The following GRIPAP1 variants were observed in gnomAD, a reference collection of about 807,000 sequenced individuals.
GRIPAP1 encodes the protein GRIP1 associated protein 1.
GRIPAP1 carries 14 observed loss-of-function variants against 84.1 expected under a neutral mutation model. The ratio of observed to expected loss-of-function variants is 0.17; its 90% CI spans 0.11 to 0.26. The LOEUF is 0.26. Ranked by LOEUF, GRIPAP1 falls within the 10% of genes least tolerant of loss-of-function variation. The pLI is 1.00. For synonymous variants in GRIPAP1, 261 were observed against 256.8 expected (o/e 1.02, Z -0.15); for missense variants, 518 against 674.2 (o/e 0.77, Z 2.57).
chrX:48,987,235 G>A (rs1461597697), intron 13 of GRIPAP1, among the ~76,000 whole-genome samples: 33 of 94,473 alleles, frequency 3.5e-4, no homozygotes, highest in Non-Finnish European at 5.7e-4. Context: ...TGCAACCTCC[G>A]CCTCCTGGGT....
chrX:48,992,074 C>T lies in GRIPAP1; in HGVS notation c.458-964G>A, dbSNP rs782522425. On this transcript the variant is annotated intron_variant, in intron 6 of 25. Coordinates refer to ENST00000376423, the MANE Select transcript of GRIPAP1 (RefSeq NM_020137.5). ...AGGCTGGAGTACAGTGGTGTGATCT[C>T]GGCTCACTGCAACCTCTGCCTCCCA... Among the ~76,000 whole-genome samples the T allele has an allele frequency of 1.2e-4, 13 of 109,588 alleles. No individual in the cohort carries two copies. The East Asian group carries it at 2.0e-3, about 17-fold the overall frequency.
chrX:48,990,676 C>G lies in GRIPAP1; in HGVS notation c.690+9G>C. On this transcript the variant is annotated intron_variant, in intron 8 of 25. Transcript: ENST00000376423. ...GGGAGCAGAATGGGAAAGAGCCAAG[C>G]AGCCGCACCTTAGCAAGTTCCTCCT... is the stretch of plus-strand genomic sequence containing the variant. The G allele has an allele frequency of 8.4e-7, 1 of 1,193,714 alleles. No homozygotes were observed. Among genetic ancestry groups the G allele is most frequent in the Non-Finnish European group, 1.1e-6 (1 of 882,863 alleles).
At chrX:49,000,037 C>T (rs1428828183) in intron 1 of GRIPAP1, among the ~76,000 whole-genome samples, 1 of 110,276 alleles carries the variant, frequency 9.1e-6, no homozygotes, top group Non-Finnish European at 1.9e-5. Context: ...CCCCCCACCT[C>T]CAAGGCTCTC....
chrX:48,993,965 T>G (rs1255435383), intron 5 of GRIPAP1, among the ~76,000 whole-genome samples: 2 of 110,674 alleles, frequency 1.8e-5, no homozygotes, highest in East Asian at 5.7e-4. Flanking sequence ...CAGAGATAGC[T>G]CCCTCTCATC....
In GRIPAP1 at chrX:48,989,963, G is replaced by A; in HGVS notation, c.722+9C>T. The A allele has an allele frequency of 4.1e-6, 5 of 1,206,140 alleles. No homozygotes were observed. The highest frequency in any genetic ancestry group is 5.6e-6 in the Non-Finnish European group (5 of 890,888). ...CGGCCCCCAGTACCCTTGGGAAAAA[G>A]AAATTTACCTTTCTTGTTTCTTTTT... is the stretch of plus-strand genomic sequence containing the variant. On this transcript the variant is annotated intron_variant, in intron 9 of 25. Transcript: ENST00000376423.
chrX:48,987,771 C>G lies in GRIPAP1; in HGVS notation c.1041+14G>C. 1 of 1,074,176 alleles carries G rather than the reference C, an allele frequency of 9.3e-7. No individual in the cohort carries two copies. The highest frequency in any genetic ancestry group is 1.3e-6 in the Non-Finnish European group (1 of 773,605). The allele number at this position is 1,074,176 out of a possible 1,213,427, so 88.5% of individuals were successfully genotyped here. On this transcript the variant is annotated intron_variant, in intron 13 of 25. Coordinates refer to ENST00000376423, the MANE Select transcript of GRIPAP1 (RefSeq NM_020137.5). ...CTGGAGAGGGATCAGCAAGGGCCCC[C>G]AGGTGTTCTTTACCTGCTCCAGGGC...
At chrX:48,989,916 T>C in intron 9 of GRIPAP1, 34 bp from the exon 10 acceptor site, 1 of 1,202,916 alleles carries the variant, frequency 8.3e-7, no homozygotes, top group Non-Finnish European at 1.1e-6. Context: ...GATGGGTCAG[T>C]TCCGTAAGTT....
At chrX:48,974,616 C>A (rs782302406) in intron 25 of GRIPAP1, among the ~76,000 whole-genome samples, 1 of 111,858 alleles carries the variant, frequency 8.9e-6, no homozygotes, top group East Asian at 2.8e-4. Context: ...GGGTCTGACC[C>A]CTTTCTAACT....
intron 17 of GRIPAP1, 58 bp from the exon 18 acceptor site, chrX:48,981,930 G>A: frequency 1.2e-6 from 1 of 834,475 alleles, no homozygotes; most frequent in East Asian, 3.4e-5. Flanking sequence ...TGCCCAGTTA[G>A]GGGTATGAGG....
rs200273142 is a variant in GRIPAP1 at position 48,994,219 on chromosome X, C to CTT, written c.307-643_307-642dup. Among the ~76,000 whole-genome samples, 45 of 95,156 alleles carry CTT rather than the reference C, an allele frequency of 4.7e-4. 1 individual carries two copies. The highest frequency in any genetic ancestry group is 1.7e-3 in the African/African-American group (39 of 23,065). 82.6% of individuals were successfully genotyped at this position (95,156 alleles called of 115,157 possible). The stretch of plus-strand genomic sequence containing the variant: ...TTTTATTGCCTGCAATATTTTCTTT[C>CTT]TTTTTTTTTTTTTTTTTTTTTTGAG... On this transcript the variant is annotated intron_variant, in intron 5 of 25. Coordinates refer to ENST00000376423, the MANE Select transcript of GRIPAP1 (RefSeq NM_020137.5).
Position 49,000,335 on chromosome X carries a change from A to C in GRIPAP1, c.43-831T>G, listed in dbSNP as rs782259458. Among the ~76,000 whole-genome samples the C allele has an allele frequency of 1.7e-4, 13 of 77,517 alleles. No homozygotes were observed. In the South Asian group the frequency reaches 0.012, roughly 74 times the overall value. 67.3% of individuals were successfully genotyped at this position (77,517 alleles called of 115,157 possible). A position where few individuals can be genotyped will look rare whatever the true frequency, so the allele number is the denominator to read the frequency against. ...AGCCGAGATTGTGCCACTGCACTCC[A>C]GCCTGGGTGACAGAGTGAGACTCTG... On this transcript the variant is annotated intron_variant, in intron 1 of 25. Transcript: ENST00000376423.
chrX:48,981,171 C>A, intron 21 of GRIPAP1, 44 bp downstream of exon 21: 1 of 1,056,544 alleles, frequency 9.5e-7, no homozygotes, highest in Non-Finnish European at 1.3e-6. Context: ...CCAGGCCCTA[C>A]CTCCCCCATG....
At chrX:48,994,173 G>A (rs1557066268) in intron 5 of GRIPAP1, among the ~76,000 whole-genome samples, 1 of 109,695 alleles carries the variant, frequency 9.1e-6, no homozygotes, top group Non-Finnish European at 1.9e-5. Context: ...TGAGAATATC[G>A]AGGCCTACAG....
intron 22 of GRIPAP1, among the ~76,000 whole-genome samples, chrX:48,976,583 G>A (rs1383363438): frequency 8.9e-6 from 1 of 111,748 alleles, no homozygotes; most frequent in Non-Finnish European, 1.9e-5. Flanking sequence ...GGAGAGGATT[G>A]AAGGAAGATC....
chrX:49,000,433 G>A (rs945708514), intron 1 of GRIPAP1: 1 of 98,572 alleles, frequency 1.0e-5, no homozygotes. Context: ...GCTGACACCT[G>A]TAATCCAAAC....
intron 21 of GRIPAP1, chrX:48,980,896 A>T: frequency 4.0e-6 from 1 of 252,791 alleles, no homozygotes; most frequent in Non-Finnish European, 7.0e-6. Flanking sequence ...AAAAAAAAAA[A>T]GAGAGAGAAA....
intron 3 of GRIPAP1, 137 bp from the exon 4 acceptor site, chrX:48,998,317 C>T: frequency 2.1e-6 from 1 of 482,850 alleles, no homozygotes; most frequent in South Asian, 3.0e-5. Context: ...TCTTCAACCA[C>T]AGAACATGTG....
At chrX:48,986,687 G>A (rs2064489847) in intron 13 of GRIPAP1, among the ~76,000 whole-genome samples, 1 of 111,024 alleles carries the variant, frequency 9.0e-6, no homozygotes, top group African/African-American at 3.3e-5. Context: ...GAGCCACTGC[G>A]CCTGGCCTAA....
At chrX:48,974,884 G>A (rs782197477) in intron 25 of GRIPAP1, among the ~76,000 whole-genome samples, 6 of 111,830 alleles carry the variant, frequency 5.4e-5, no homozygotes, top group African/African-American at 2.0e-4. Context: ...TAAGTAAGTA[G>A]TAGATTGGGT....
Sources: allele counts gnomAD v4.1 joint callset (sites outside exome capture counted in the v4.1 genomes callset), GRCh38; gene constraint gnomAD v4.1.1; transcripts MANE v1.5; gene names NCBI Gene and HGNC (gene_info 2026-07-23, HGNC 2026-07-21).